PCDHGA3: variants seen among roughly 807,000 people sequenced by gnomAD.
PCDHGA3 encodes protocadherin gamma subfamily A, 3.
PCDHGA3 carries 40 observed loss-of-function variants against 58.5 expected under a neutral mutation model. The ratio of observed to expected loss-of-function variants is 0.68; its 90% CI spans 0.53 to 0.89. The LOEUF is 0.89. PCDHGA3 is among the 40% of genes least tolerant of loss of function. The pLI, the probability that PCDHGA3 is intolerant of heterozygous loss-of-function variation, is 0.00. For synonymous variants in PCDHGA3, 530 were observed against 525.7 expected, an observed-to-expected ratio of 1.01 and a Z score of -0.11; for missense variants, 1,223 against 1,195.9, an observed-to-expected ratio of 1.02 and a Z score of -0.33.
chr5:141,409,045 C>T (rs1228603483), intron 1 of PCDHGA3: 1 of 1,613,878 alleles, frequency 6.2e-7, no homozygotes, highest in Non-Finnish European at 8.5e-7. Flanking sequence ...ACTACTACTT[C>T]CGAAGCACTG....
chr5:141,366,780 C>G (rs1764797585), intron 1 of PCDHGA3: 1 of 1,584,650 alleles, frequency 6.3e-7, no homozygotes, highest in African/African-American at 1.4e-5. Flanking sequence ...TAAGGATGAC[C>G]AGAACATTTT....
At position 141,509,907 on chromosome 5, in the gene PCDHGA3, C is replaced by G. The variant is rs149338646; in HGVS notation, c.2573-1040C>G. Among the ~76,000 whole-genome samples, 567 of 152,300 alleles carry G rather than the reference C, an allele frequency of 3.7e-3. 5 individuals carry two copies. Among genetic ancestry groups the G allele is most frequent in the Admixed American group, 0.011 (163 of 15,296 alleles). ...GTGACTGACTGTCCCTTCCAGCATGCGCTTAGGTACACTTGGGCCTGAATG... is the reference window on the plus strand; with the variant it reads ...GTGACTGACTGTCCCTTCCAGCATGGGCTTAGGTACACTTGGGCCTGAATG... On this transcript the variant is annotated intron_variant, in intron 3 of 3. Coordinates refer to ENST00000253812, the MANE Select transcript of PCDHGA3 (RefSeq NM_018916.4).
At chr5:141,382,732 G>A in intron 1 of PCDHGA3, 1 of 562,814 alleles carries the variant, frequency 1.8e-6, no homozygotes, top group African/African-American at 1.9e-5. Context: ...TTACAGCACA[G>A]AGAAACGACA....
intron 1 of PCDHGA3, among the ~76,000 whole-genome samples, chr5:141,407,122 G>A (rs987492570): frequency 3.9e-5 from 6 of 152,094 alleles, no homozygotes; most frequent in African/African-American, 1.4e-4. Context: ...GGTTTCAGTT[G>A]CTTTATTTTT....
At chr5:141,360,394 A>C (rs768829588) in intron 1 of PCDHGA3, 71 of 1,613,814 alleles carry the variant, frequency 4.4e-5, no homozygotes, top group Non-Finnish European at 5.8e-5. Flanking sequence ...CTTACTTGTG[A>C]GTGACAGAAT....
chr5:141,420,488 A>C, intron 1 of PCDHGA3: 1 of 534,916 alleles, frequency 1.9e-6, no homozygotes, highest in East Asian at 3.8e-5. Context: ...CTACATGGGT[A>C]ATCTCCGGTG....
At chr5:141,394,158 C>T in intron 1 of PCDHGA3, 1 of 1,613,844 alleles carries the variant, frequency 6.2e-7, no homozygotes, top group East Asian at 2.2e-5. Flanking sequence ...TAACGACAAC[C>T]CTCCTACTTT....
intron 1 of PCDHGA3, among the ~76,000 whole-genome samples, chr5:141,464,983 C>G (rs1294132264): frequency 6.6e-6 from 1 of 152,050 alleles, no homozygotes; most frequent in African/African-American, 2.4e-5. Flanking sequence ...TTCAAGTGAT[C>G]CTCCCACCTC....
intron 1 of PCDHGA3, chr5:141,415,772 T>TA (rs763083459): frequency 1.1e-5 from 15 of 1,332,970 alleles, no homozygotes; most frequent in Non-Finnish European, 1.3e-5. Flanking sequence ...TTTTTTTTTT[T>TA]ACTTTCTGGT....
At chr5:141,464,279 C>CAAA (rs373828487) in intron 1 of PCDHGA3, among the ~76,000 whole-genome samples, 8 of 137,748 alleles carry the variant, frequency 5.8e-5, no homozygotes, top group Admixed American at 1.5e-4. Flanking sequence ...AAAAAAAAAG[C>CAAA]AAAAAAAAAA....
intron 1 of PCDHGA3, among the ~76,000 whole-genome samples, chr5:141,354,556 A>G (rs376239223): frequency 6.6e-6 from 1 of 152,248 alleles, no homozygotes; most frequent in Non-Finnish European, 1.5e-5. Flanking sequence ...AACTCCTGTG[A>G]GGAAACTTGT....
At chr5:141,449,251 A>T (rs918418872) in intron 1 of PCDHGA3, among the ~76,000 whole-genome samples, 10 of 152,256 alleles carry the variant, frequency 6.6e-5, no homozygotes, top group Middle Eastern at 3.4e-3. Flanking sequence ...AGTTGCAAGA[A>T]TTGTACAAAG....
chr5:141,426,094 G>C (rs2096914562), intron 1 of PCDHGA3, among the ~76,000 whole-genome samples: 1 of 152,350 alleles, frequency 6.6e-6, no homozygotes, highest in African/African-American at 2.4e-5. Flanking sequence ...ACGATATTCT[G>C]TTCAGTCACA....
chr5:141,385,223 A>G, intron 1 of PCDHGA3: 2 of 1,614,184 alleles, frequency 1.2e-6, no homozygotes, highest in Non-Finnish European at 1.7e-6. Context: ...CAGCCCAACT[A>G]TGTAGACATG....
rs762914864 is a variant in PCDHGA3 at position 141,352,412 on chromosome 5, G to T, written c.2424+5955G>T. The T allele has an allele frequency of 1.7e-5, 28 of 1,613,880 alleles. No homozygotes were observed. The highest frequency in any genetic ancestry group is 2.4e-5 in the Non-Finnish European group (28 of 1,179,900). On this transcript the variant is annotated intron_variant, in intron 1 of 3. Coordinates refer to ENST00000253812, the MANE Select transcript of PCDHGA3 (RefSeq NM_018916.4). The stretch of plus-strand genomic sequence containing the variant: ...GCGCCTGCGACGTTCCTCCAGCCTC[G>T]ACACTGAGGGCTGCTTTCAAACCGG...
intron 1 of PCDHGA3, chr5:141,384,570 C>T (rs1344812982): frequency 6.2e-7 from 1 of 1,614,240 alleles, no homozygotes; most frequent in South Asian, 1.1e-5. Context: ...ACCAGAATGA[C>T]AACCCGCCCG....
In PCDHGA3 at chr5:141,477,836, G is replaced by T. The variant is rs1344676631; in HGVS notation, c.2425-16971G>T. On this transcript the variant is annotated intron_variant, in intron 1 of 3. Transcript: ENST00000253812. This position sits in a 1 kb window ranked among gnomAD's most constrained non-coding sequence, Gnocchi z 4.9. ...CCAGGTCCTATATCCTCGGCCAGGT[G>T]GGAGCTCGGTGGAGATGCTGCCTCG... The T allele has an allele frequency of 1.2e-6, 2 of 1,613,952 alleles. No individual in the cohort carries two copies. Among genetic ancestry groups the T allele is most frequent in the Non-Finnish European group, 1.7e-6 (2 of 1,180,012 alleles).
intron 1 of PCDHGA3, among the ~76,000 whole-genome samples, chr5:141,474,061 T>A (rs2099339173): frequency 1.3e-5 from 2 of 152,058 alleles, no homozygotes; most frequent in Admixed American, 6.6e-5. Flanking sequence ...CAGAGCGAGA[T>A]CCTGCCTCAG....
intron 1 of PCDHGA3, chr5:141,403,336 C>T (rs2094393288): frequency 1.9e-6 from 3 of 1,614,032 alleles, no homozygotes; most frequent in Non-Finnish European, 2.5e-6. Flanking sequence ...ATATTAACGA[C>T]AGCGCCCCAA....
Sources: allele counts gnomAD v4.1 joint callset (sites outside exome capture counted in the v4.1 genomes callset), GRCh38; gene constraint gnomAD v4.1.1; non-coding constraint Gnocchi (gnomAD v3.1); transcripts MANE v1.5; gene names NCBI Gene and HGNC (gene_info 2026-07-23, HGNC 2026-07-21).